The following DOCK3 variants were observed in gnomAD, a reference collection of about 807,000 sequenced individuals.
The protein encoded by DOCK3 is dedicator of cytokinesis protein 3.
A neutral mutation model predicts 265.6 loss-of-function variants in DOCK3; 60 were observed. The observed-to-expected ratio is 0.23, with a 90% CI of 0.18 to 0.28. The LOEUF (loss-of-function observed/expected upper bound fraction) is 0.28. Ranked by LOEUF, DOCK3 falls within the 10% of genes least tolerant of loss-of-function variation. The pLI is 1.00. For missense variants in DOCK3, 1,981 were observed against 2,594.3 expected (o/e 0.76, Z 5.14); for synonymous variants, 881 against 938.0 (o/e 0.94, Z 1.11).
chr3:51,204,647 C>G (rs1223190558), intron 12 of DOCK3, among the ~76,000 whole-genome samples: 1 of 143,198 alleles, frequency 7.0e-6, no homozygotes, highest in Non-Finnish European at 1.5e-5. Flanking sequence ...ACCATTTGAC[C>G]CAGCCATCCC....
At chr3:50,761,501 T>C (rs1303546867) in intron 1 of DOCK3, among the ~76,000 whole-genome samples, 2 of 152,222 alleles carry the variant, frequency 1.3e-5, no homozygotes, top group Non-Finnish European at 2.9e-5. Flanking sequence ...ATGTAGTCTT[T>C]AGGGCCCCAA....
intron 4 of DOCK3, among the ~76,000 whole-genome samples, chr3:50,906,715 C>T (rs560234173): frequency 3.6e-4 from 55 of 152,108 alleles, no homozygotes; most frequent in Non-Finnish European, 7.4e-4. Context: ...CTCCTGGCTT[C>T]ATTGATTTTT....
intron 35 of DOCK3, among the ~76,000 whole-genome samples, chr3:51,336,672 A>G (rs1464117988): frequency 6.6e-6 from 1 of 152,214 alleles, no homozygotes; most frequent in Non-Finnish European, 1.5e-5. Flanking sequence ...ATGCAGAGGT[A>G]CACAAAAAAA....
chr3:51,031,702 C>A (rs556932277), intron 5 of DOCK3, among the ~76,000 whole-genome samples: 1 of 152,142 alleles, frequency 6.6e-6, no homozygotes, highest in Non-Finnish European at 1.5e-5. Context: ...AAATTCATGT[C>A]GAAACTTAAG....
intron 27 of DOCK3, among the ~76,000 whole-genome samples, chr3:51,305,733 C>CGTGTGTGTGTGTGT (rs202005379): frequency 2.0e-4 from 27 of 135,624 alleles, no homozygotes; most frequent in African/African-American, 6.1e-4. Context: ...TGTGTGTGTG[C>CGTGTGTGTGTGTGT]GCGTGTGTGT....
At chr3:50,777,436 A>G (rs1444750133) in intron 1 of DOCK3, among the ~76,000 whole-genome samples, 3 of 152,010 alleles carry the variant, frequency 2.0e-5, no homozygotes, top group Non-Finnish European at 2.9e-5. Context: ...TGTTTTTTCT[A>G]GTTCTTGGGA....
At chr3:51,059,280 C>A (rs1180023058) in intron 5 of DOCK3, among the ~76,000 whole-genome samples, 1 of 152,118 alleles carries the variant, frequency 6.6e-6, no homozygotes, top group Non-Finnish European at 1.5e-5. Flanking sequence ...CCCTTATAAC[C>A]TAATTATCTC....
At chr3:50,977,406 T>C (rs1177861878) in intron 5 of DOCK3, among the ~76,000 whole-genome samples, 1 of 152,182 alleles carries the variant, frequency 6.6e-6, no homozygotes, top group Non-Finnish European at 1.5e-5. Context: ...CTTATGAAGC[T>C]TAGTTTGGCT....
chr3:51,233,342 CTATCTATCTATCTATCTATT>C (rs914626378), intron 19 of DOCK3, among the ~76,000 whole-genome samples: 3 of 36,692 alleles, frequency 8.2e-5, no homozygotes, highest in Non-Finnish European at 2.4e-4. Flanking sequence ...ATCTATCTAT[CTATCTATCTATCTATCTATT>C]TATTTATTTA....
At chr3:51,075,073 T>C (rs2082010393) in intron 6 of DOCK3, among the ~76,000 whole-genome samples, 1 of 152,104 alleles carries the variant, frequency 6.6e-6, no homozygotes, top group African/African-American at 2.4e-5. Flanking sequence ...AGAAAACCTA[T>C]CCTTAATGAA....
intron 5 of DOCK3, among the ~76,000 whole-genome samples, chr3:51,027,878 T>G (rs938282905): frequency 6.6e-6 from 1 of 152,128 alleles, no homozygotes; most frequent in Non-Finnish European, 1.5e-5. Flanking sequence ...TCTCATTTTT[T>G]TTTTCATCCA....
intron 5 of DOCK3, among the ~76,000 whole-genome samples, chr3:51,014,243 G>A (rs944608270): frequency 2.0e-5 from 3 of 152,142 alleles, no homozygotes; most frequent in Admixed American, 6.5e-5. Flanking sequence ...CCCATCTTCT[G>A]TGTTGATCAC....
intron 12 of DOCK3, among the ~76,000 whole-genome samples, chr3:51,182,692 G>A (rs2087371148): frequency 6.6e-6 from 1 of 152,156 alleles, no homozygotes; most frequent in African/African-American, 2.4e-5. Flanking sequence ...TCCTCCAAAT[G>A]GTGTAATGAG....
intron 3 of DOCK3, among the ~76,000 whole-genome samples, chr3:50,874,050 TTTTTTCTTTTC>T (rs2047572147): frequency 7.0e-6 from 1 of 141,972 alleles, no homozygotes; most frequent in Non-Finnish European, 1.5e-5. Flanking sequence ...GTGTTTTTTT[TTTTTTCTTTTC>T]TTTTGTTTTT....
At chr3:51,336,566 C>G (rs1346471271) in intron 35 of DOCK3, among the ~76,000 whole-genome samples, 1 of 152,204 alleles carries the variant, frequency 6.6e-6, no homozygotes, top group Non-Finnish European at 1.5e-5. Flanking sequence ...GGAGTCTTCC[C>G]TGCTCACCCT....
intron 1 of DOCK3, among the ~76,000 whole-genome samples, chr3:50,773,908 T>C (rs2041434769): frequency 1.3e-5 from 2 of 152,148 alleles, no homozygotes; most frequent in South Asian, 4.1e-4. Context: ...GTGATAGAGC[T>C]TGGTAGAACT....
intron 12 of DOCK3, among the ~76,000 whole-genome samples, chr3:51,187,223 A>G (rs1187359163): frequency 6.6e-6 from 1 of 152,240 alleles, no homozygotes; most frequent in Non-Finnish European, 1.5e-5. Context: ...GATGTGAGAC[A>G]TGAAGTCAAA....
intron 12 of DOCK3, among the ~76,000 whole-genome samples, chr3:51,173,945 A>G (rs1282011638): frequency 2.0e-5 from 3 of 151,844 alleles, no homozygotes; most frequent in Non-Finnish European, 2.9e-5. Flanking sequence ...TGTTATCTTC[A>G]TAGTGCCCCG....
intron 12 of DOCK3, among the ~76,000 whole-genome samples, chr3:51,190,318 G>A (rs1195920375): frequency 6.6e-6 from 1 of 152,218 alleles, no homozygotes; most frequent in African/African-American, 2.4e-5. Context: ...AAGAGATCCA[G>A]TGATATGACC....
Sources: gnomAD v4.1 joint callset for allele counts (sites outside exome capture counted in the v4.1 genomes callset) on GRCh38, gnomAD v4.1.1 for gene constraint, MANE v1.5 for transcripts, NCBI Gene and HGNC (gene_info 2026-07-23, HGNC 2026-07-21) for gene names.